MYO10: variants seen among roughly 807,000 people sequenced by gnomAD.
The protein encoded by MYO10 is unconventional myosin-X.
MYO10 carries 133 observed loss-of-function variants against 257.3 expected under a neutral mutation model. The ratio of observed to expected loss-of-function variants is 0.52; its 90% CI spans 0.45 to 0.60. The LOEUF is 0.60. MYO10 is among the 20% of genes least tolerant of loss of function. MYO10 has a pLI of 0.00. For missense variants in MYO10, 2,399 were observed against 2,635.7 expected, an observed-to-expected ratio of 0.91 and a Z score of 1.97; for synonymous variants, 1,104 against 1,028.6, an observed-to-expected ratio of 1.07 and a Z score of -1.40.
intron 28 of MYO10, among the ~76,000 whole-genome samples, chr5:16,687,201 G>C (rs1341156494): frequency 6.6e-6 from 1 of 151,642 alleles, no homozygotes; most frequent in Admixed American, 6.6e-5. Flanking sequence ...CATGCTTATA[G>C]TCCCAGCTAC....
At chr5:16,735,913 C>A (rs1172998627) in intron 19 of MYO10, among the ~76,000 whole-genome samples, 4 of 152,102 alleles carry the variant, frequency 2.6e-5, no homozygotes, top group Non-Finnish European at 4.4e-5. Flanking sequence ...TGCACCCAAC[C>A]CTCACTAGAG....
rs56792705 is a variant in MYO10 at position 16,858,441 on chromosome 5, TAA to T, written c.120+19166_120+19167del. Among the ~76,000 whole-genome samples, 164 of 135,282 alleles carry T rather than the reference TAA, an allele frequency of 1.2e-3. 1 individual carries two copies. Among genetic ancestry groups the T allele is most frequent in the African/African-American group, 3.8e-3 (142 of 37,696 alleles). The allele number at this position is 135,282 out of a possible 152,430, so 88.8% of individuals were successfully genotyped here. ...TCAAAAAAGCTAGATGCTACTTTTGTAAAAAAAAAAAAAAAAATCGAGGTTTA... is the reference window on the plus strand; with the variant it reads ...TCAAAAAAGCTAGATGCTACTTTTGTAAAAAAAAAAAAAAATCGAGGTTTA... On this transcript the variant is annotated intron_variant, in intron 2 of 40. Transcript: ENST00000513610.
In MYO10 at chr5:16,704,567, T is replaced by C. The variant is rs1221811270; in HGVS notation, c.2276+12A>G. 6.2e-7 allele frequency: 1 copy of C among 1,610,956 alleles called. No individual in the cohort carries two copies. Among genetic ancestry groups the C allele is most frequent in the Non-Finnish European group, 8.5e-7 (1 of 1,177,540 alleles). Reference sequence around the variant, plus strand: ...AGCTTCCTGCCTTATCCCCTCAGCGTGGGGTTCTTACCGTGCTAAGAAGCC... The same window carrying C: ...AGCTTCCTGCCTTATCCCCTCAGCGCGGGGTTCTTACCGTGCTAAGAAGCC... On this transcript the variant is annotated intron_variant, in intron 22 of 40. Transcript: ENST00000513610.
Position 16,823,467 on chromosome 5 carries a change from G to GGGGTTTTTTTTTTT in MYO10, c.121-5301_121-5300insAAAAAAAAAAACCC. ...CTTGCGCGGGGGGGGGGGGAGTGGGGATTTTTTTTTTTTTTTTTTTGTGAG... is the reference window on the plus strand; with the variant it reads ...CTTGCGCGGGGGGGGGGGGAGTGGGGGGGTTTTTTTTTTTATTTTTTTTTTTTTTTTTTTGTGAG... On this transcript the variant is annotated intron_variant, in intron 2 of 40. Transcript: ENST00000513610. Among the ~76,000 whole-genome samples the GGGGTTTTTTTTTTT allele has an allele frequency of 1.3e-3, 5 of 3,986 alleles. 1 individual carries two copies. Among genetic ancestry groups the GGGGTTTTTTTTTTT allele is most frequent in the Non-Finnish European group, 2.9e-3 (5 of 1,738 alleles). 2.6% of individuals were successfully genotyped at this position (3,986 alleles called of 152,430 possible). A position where few individuals can be genotyped will look rare whatever the true frequency, so the allele number is the denominator to read the frequency against.
At chr5:16,740,001 C>A (rs2126630028) in intron 19 of MYO10, among the ~76,000 whole-genome samples, 1 of 152,170 alleles carries the variant, frequency 6.6e-6, no homozygotes, top group Non-Finnish European at 1.5e-5. Context: ...GAGAAAAAAA[C>A]AAGGAAAGTA....
chr5:16,935,663 C>T, intron 1 of MYO10, 125 bp downstream of exon 1: 1 of 1,139,032 alleles, frequency 8.8e-7, no homozygotes, highest in East Asian at 2.5e-5. Context: ...GGGGTGATTT[C>T]AGGAGACTCC....
rs961761011 is a variant in MYO10 at position 16,928,241 on chromosome 5, T to C, written c.21+7547A>G. ...TACAATTTTGGAGACAGTCTCCCTC[T>C]GTCACCCAGGCTGGAGTGCAGTGGC... On this transcript the variant is annotated intron_variant, in intron 1 of 40. Transcript: ENST00000513610. 1.4e-4 allele frequency among the ~76,000 whole-genome samples: 22 copies of C among 152,296 alleles called. 1 individual carries two copies. Among genetic ancestry groups the C allele is most frequent in the African/African-American group, 5.1e-4 (21 of 41,582 alleles).
At chr5:16,680,142 G>A (rs755993941) in intron 32 of MYO10, 38 bp from the exon 33 acceptor site, 13 of 1,588,520 alleles carry the variant, frequency 8.2e-6, no homozygotes, top group East Asian at 4.5e-5. Flanking sequence ...GCACGTCAAC[G>A]CCAACCTCGG....
At chr5:16,829,098 A>G (rs1357737054) in intron 2 of MYO10, among the ~76,000 whole-genome samples, 1 of 152,170 alleles carries the variant, frequency 6.6e-6, no homozygotes, top group East Asian at 1.9e-4. Flanking sequence ...TATGGTAGAA[A>G]TGCCCAGGGC....
chr5:16,662,314 C>CTTTTTTTTTTTTTTTTTTTTTTTTTTTT lies in MYO10; in HGVS notation c.*4377_*4378insAAAAAAAAAAAAAAAAAAAAAAAAAAAA, dbSNP rs1199270809. ...AAAAGTGCTGTCTTAGATTTCTGAA[C>CTTTTTTTTTTTTTTTTTTTTTTTTTTTT]TATTTTTTTTTTTTTTTTTTTTTTT... On this transcript the variant is annotated 3_prime_UTR_variant, in exon 41 of 41. Transcript: ENST00000513610. 1.5e-4 allele frequency: 6 copies of CTTTTTTTTTTTTTTTTTTTTTTTTTTTT among 39,652 alleles called. No homozygotes were observed. Among genetic ancestry groups the CTTTTTTTTTTTTTTTTTTTTTTTTTTTT allele is most frequent in the Non-Finnish European group, 2.4e-4 (5 of 20,968 alleles). The allele number at this position is 39,652 out of a possible 1,614,324, so 2.5% of individuals were successfully genotyped here.
At position 16,668,418 on chromosome 5, in the gene MYO10, G is replaced by A. The variant is rs1347119876; in HGVS notation, c.5934C>T (p.Asp1978=). 26 of 1,613,504 alleles carry A rather than the reference G, an allele frequency of 1.6e-5. 1 individual carries two copies. The highest frequency in any genetic ancestry group is 9.9e-5 in the South Asian group (9 of 91,028). Residue 1978 remains aspartate, a synonymous_variant, in exon 40 of 41, where the codon GAC becomes GAT. Transcript: ENST00000513610. ...CTCCACGCTTGTAGACGGAGACGGC[G>A]TCCGCGCTGACACCCAACCAGAGTT... The part of the protein sequence containing the change: ...PQELWLGVSA[D]AVSVYKRGEG...
intron 2 of MYO10, among the ~76,000 whole-genome samples, chr5:16,843,251 AT>A (rs1267518090): frequency 1.3e-5 from 2 of 151,904 alleles, no homozygotes; most frequent in African/African-American, 4.8e-5. Context: ...TCCCCTTCTA[AT>A]TTTCTATGGC....
intron 1 of MYO10, chr5:16,902,331 G>A (rs764980435): frequency 1.3e-4 from 128 of 1,018,570 alleles, no homozygotes; most frequent in Non-Finnish European, 1.7e-4. Flanking sequence ...GGCAGCACCC[G>A]CAGTTCTAAA....
At chr5:16,782,509 T>C (rs550975927) in intron 5 of MYO10, among the ~76,000 whole-genome samples, 64 of 152,338 alleles carry the variant, frequency 4.2e-4, no homozygotes, top group Non-Finnish European at 8.4e-4. Flanking sequence ...AACATGAATG[T>C]ACTTAATGCC....
chr5:16,669,874 G>T (rs1736361240), intron 39 of MYO10, among the ~76,000 whole-genome samples: 1 of 152,156 alleles, frequency 6.6e-6, no homozygotes, highest in Non-Finnish European at 1.5e-5. Context: ...GGATCACATG[G>T]TCTCTGTCAC....
At chr5:16,894,082 C>T (rs1377320982) in intron 1 of MYO10, among the ~76,000 whole-genome samples, 1 of 152,216 alleles carries the variant, frequency 6.6e-6, no homozygotes, top group Admixed American at 6.5e-5. Flanking sequence ...ACACCTCTCA[C>T]TCTGGTTCCT....
rs748719149 is a variant in MYO10, at chr5:16,761,042, C to G, written c.1739+422G>C. ...TTTCACTCTTGTCACCCAGGCTGGA[C>G]TGCAATGGCGCAATCTTGGGTCACT... is the stretch of plus-strand genomic sequence containing the variant. On this transcript the variant is annotated intron_variant, in intron 17 of 40. Coordinates refer to ENST00000513610, the MANE Select transcript of MYO10 (RefSeq NM_012334.3). Among the ~76,000 whole-genome samples the G allele has an allele frequency of 6.6e-5, 10 of 151,930 alleles. No individual in the cohort carries two copies. The East Asian group carries it at 7.7e-4, about 12-fold the overall frequency.
At chr5:16,761,722 C>T (rs187876744) in intron 16 of MYO10, among the ~76,000 whole-genome samples, 176 bp from the exon 17 acceptor site, 8 of 152,250 alleles carry the variant, frequency 5.3e-5, no homozygotes, top group African/African-American at 1.9e-4. Flanking sequence ...GTGATCATAG[C>T]TCATGCAGCC....
chr5:16,829,647 G>A (rs1743106768), intron 2 of MYO10, among the ~76,000 whole-genome samples: 1 of 152,202 alleles, frequency 6.6e-6, no homozygotes, highest in African/African-American at 2.4e-5. Flanking sequence ...CAGGGCTGCA[G>A]GCAGGCTAAC....
Sources: allele counts gnomAD v4.1 joint callset (sites outside exome capture counted in the v4.1 genomes callset), GRCh38; gene constraint gnomAD v4.1.1; transcripts MANE v1.5; gene names NCBI Gene and HGNC (gene_info 2026-07-23, HGNC 2026-07-21).